LCN2: variants seen among roughly 807,000 people sequenced by gnomAD.
The protein encoded by LCN2 is neutrophil gelatinase-associated lipocalin.
LCN2 carries 27 observed loss-of-function variants against 26.4 expected under a neutral mutation model. That is an observed-to-expected ratio of 1.02 (90% CI 0.76 to 1.41). The LOEUF (loss-of-function observed/expected upper bound fraction) is 1.41, where lower values mean the gene tolerates loss of function less well. LCN2 is among the 40% of genes most tolerant of loss of function. The pLI is 0.00. For synonymous variants in LCN2, 94 were observed against 98.9 expected (o/e 0.95, Z 0.30); for missense variants, 224 against 237.6 (o/e 0.94, Z 0.38).
At chr9:128,150,761 C>T (rs547950251) in intron 2 of LCN2, among the ~76,000 whole-genome samples, 20 of 152,092 alleles carry the variant, frequency 1.3e-4, no homozygotes, top group Admixed American at 4.6e-4. Flanking sequence ...CAGAGAGAGC[C>T]CCCCCTTCAG....
In LCN2 at chr9:128,149,536, G is replaced by C; in HGVS notation, c.11G>C (p.Gly4Ala). The change falls in exon 1 of 7, where the codon GGT becomes GCT. Residue 4 changes from glycine (G) to alanine (A), a missense_variant. Gly to Ala is a moderately conservative substitution (Grantham distance 60). Transcript: ENST00000277480. The part of the protein sequence containing the change: MPL[G>A]LLWLGLALLG... ...CTCGGCCCTGAAATCATGCCCCTAG[G>C]TCTCCTGTGGCTGGGCCTAGCCCTG... 1.9e-6 allele frequency: 3 copies of C among 1,612,156 alleles called. No individual in the cohort carries two copies. Among genetic ancestry groups the C allele is most frequent in the Non-Finnish European group, 2.5e-6 (3 of 1,178,976 alleles).
At chr9:128,152,748 G>A (rs1382503205) in intron 5 of LCN2, among the ~76,000 whole-genome samples, 3 of 152,152 alleles carry the variant, frequency 2.0e-5, no homozygotes, top group Non-Finnish European at 4.4e-5. Context: ...AGCCTGGCTT[G>A]GGCAGGAGGC....
Position 128,149,493 on chromosome 9 carries a change from C to T in LCN2, c.-33C>T, listed in dbSNP as rs762477222. Reference sequence around the variant, plus strand: ...TTCCACCCCTGCCAGGCCCAGCAGCCACCACAGCGCCTGCTTCCTCGGCCC... The same window carrying T: ...TTCCACCCCTGCCAGGCCCAGCAGCTACCACAGCGCCTGCTTCCTCGGCCC... On this transcript the variant is annotated 5_prime_UTR_variant, in exon 1 of 7. Transcript: ENST00000277480. The T allele has an allele frequency of 4.5e-6, 7 of 1,558,192 alleles. No homozygotes were observed. In the South Asian group the frequency reaches 8.2e-5, roughly 18 times the overall value.
Position 128,152,990 on chromosome 9 carries a change from G to C in LCN2, c.578-110G>C, listed in dbSNP as rs184639171. 6.6e-5 allele frequency: 100 copies of C among 1,509,174 alleles called. 3 individuals carry two copies. The African/African-American group carries it at 1.0e-3, about 16-fold the overall frequency. The allele number at this position is 1,509,174 out of a possible 1,614,324, so 93.5% of individuals were successfully genotyped here. On this transcript the variant is annotated intron_variant, in intron 5 of 6. Coordinates refer to ENST00000277480, the MANE Select transcript of LCN2 (RefSeq NM_005564.5). ...CTGCAGCTGGGCCAGGTGGGGCAGG[G>C]GCTGCCCAGGGGCAGTGCAGAGGAC...
Position 128,153,198 on chromosome 9 carries a change from T to G in LCN2, c.*7+72T>G, listed in dbSNP as rs1347652948. ...TGCAGTGGGCTGGGGGTCTTGGGCC[T>G]GCCTTTGCTCATCCCCCTGCCCCCC... On this transcript the variant is annotated intron_variant, in intron 6 of 6. Coordinates refer to ENST00000277480, the MANE Select transcript of LCN2 (RefSeq NM_005564.5). The surrounding 1 kb of genome is among the most constrained non-coding windows in gnomAD (Gnocchi z 5.4). 2 of 1,572,890 alleles carry G rather than the reference T, an allele frequency of 1.3e-6. No homozygotes were observed. Among genetic ancestry groups the G allele is most frequent in the Admixed American group, 3.3e-5 (2 of 59,868 alleles).
Position 128,153,229 on chromosome 9 carries a change from T to C in LCN2, c.*8-82T>C. ...TGCTCATCCCCCTGCCCCCCAGCAC[T>C]GCTGCTGTCTTTATTCTGCTGTCCC... On this transcript the variant is annotated intron_variant, in intron 6 of 6. Coordinates refer to ENST00000277480, the MANE Select transcript of LCN2 (RefSeq NM_005564.5). The surrounding 1 kb of genome is among the most constrained non-coding windows in gnomAD (Gnocchi z 5.4). The C allele has an allele frequency of 7.4e-7, 1 of 1,359,700 alleles. No homozygotes were observed. Among genetic ancestry groups the C allele is most frequent in the Non-Finnish European group, 1.0e-6 (1 of 954,586 alleles). The allele number at this position is 1,359,700 out of a possible 1,614,324, so 84.2% of individuals were successfully genotyped here.
rs1158614124 is a variant in LCN2, at chr9:128,153,416, G to T, written c.*113G>T. On this transcript the variant is annotated 3_prime_UTR_variant, in exon 7 of 7. Coordinates refer to ENST00000277480, the MANE Select transcript of LCN2 (RefSeq NM_005564.5). The surrounding 1 kb of genome is among the most constrained non-coding windows in gnomAD (Gnocchi z 5.4). The stretch of plus-strand genomic sequence containing the variant: ...CTCCCCAGGCCACCCCGCTGATGGA[G>T]CCCCACCTTGTCTGCTAAATAAACA... 5.6e-6 allele frequency: 3 copies of T among 538,970 alleles called. No homozygotes were observed. The highest frequency in any genetic ancestry group is 1.9e-5 in the African/African-American group (1 of 52,436). 33.4% of individuals were successfully genotyped at this position (538,970 alleles called of 1,614,324 possible).
intron 1 of LCN2, 89 bp downstream of exon 1, chr9:128,149,752 T>G: frequency 6.6e-7 from 1 of 1,525,938 alleles, no homozygotes; most frequent in Non-Finnish European, 8.9e-7. Flanking sequence ...AGGAAGAGCG[T>G]TGGGCAGGAC....
chr9:128,151,402 C>T, intron 2 of LCN2: 2 of 605,514 alleles, frequency 3.3e-6, no homozygotes, highest in Non-Finnish European at 6.1e-6. Flanking sequence ...TGAGTGGGGT[C>T]CAGGGGCCCC....
chr9:128,149,775 GGGT>G, intron 1 of LCN2, 112 bp downstream of exon 1: 1 of 1,357,406 alleles, frequency 7.4e-7, no homozygotes, highest in South Asian at 1.3e-5. Flanking sequence ...TAGGAGTCCA[GGGT>G]CCAGGTTTCA....
chr9:128,150,620 G>C, intron 2 of LCN2: 4 of 649,866 alleles, frequency 6.2e-6, no homozygotes, highest in Non-Finnish European at 1.1e-5. Flanking sequence ...CCTGGGAGCG[G>C]GAGGAGGGGA....
chr9:128,149,806 A>T, intron 1 of LCN2, 143 bp downstream of exon 1: 1 of 983,582 alleles, frequency 1.0e-6, no homozygotes, highest in Non-Finnish European at 1.5e-6. Flanking sequence ...CTGTGCCACC[A>T]GGGTCCCCTG....
At chr9:128,151,763 C>T (rs762016178) in intron 3 of LCN2, 46 bp downstream of exon 3, 2 of 1,597,602 alleles carry the variant, frequency 1.3e-6, no homozygotes, top group South Asian at 1.1e-5. Context: ...CTCCGGGGAG[C>T]TGGGTAGGGG....
At chr9:128,151,378 G>A (rs2130877605) in intron 2 of LCN2, 2 of 580,312 alleles carry the variant, frequency 3.4e-6, no homozygotes, top group Non-Finnish European at 6.4e-6. Flanking sequence ...AAGGACATCG[G>A]GTGCTGGAGG....
rs1350316773 is a variant in LCN2, at chr9:128,153,319, C to T, written c.*16C>T. On this transcript the variant is annotated 3_prime_UTR_variant, in exon 7 of 7. Transcript: ENST00000277480. This position sits in a 1 kb window ranked among gnomAD's most constrained non-coding sequence, Gnocchi z 5.4. ...TATCCACCTCTGTCCAGGGTGCCGC[C>T]AGCTGCCGCACCAGCCCGAACACCA... is the stretch of plus-strand genomic sequence containing the variant. 4 of 663,184 alleles carry T rather than the reference C, an allele frequency of 6.0e-6. No individual in the cohort carries two copies. Among genetic ancestry groups the T allele is most frequent in the Non-Finnish European group, 8.0e-6 (3 of 376,844 alleles). 41.1% of individuals were successfully genotyped at this position (663,184 alleles called of 1,614,324 possible).
At chr9:128,150,203 A>G (rs1409985414) in intron 1 of LCN2, 35 bp from the exon 2 acceptor site, 2 of 1,597,958 alleles carry the variant, frequency 1.3e-6, no homozygotes. Context: ...TCCTAGGGCC[A>G]TTCCTGGGTT....
chr9:128,150,243 G>C lies in LCN2; in HGVS notation c.144G>C (p.Gln48His). 1 of 1,613,656 alleles carries C rather than the reference G, an allele frequency of 6.2e-7. No individual in the cohort carries two copies. The highest frequency in any genetic ancestry group is 8.5e-7 in the Non-Finnish European group (1 of 1,179,728). Residue 48 changes from glutamine to histidine, a missense_variant, in exon 2 of 7, where the codon CAG becomes CAC. By Grantham distance (24) the Gln-to-His change is conservative (BLOSUM62 0). Transcript: ENST00000277480. Reference protein sequence around the residue: ...LQQNFQDNQFQGKWYVVGLAG... With the variant: ...LQQNFQDNQFHGKWYVVGLAG... Reference sequence around the variant, plus strand: ...CTCTTATCAGTCCCTTGCAGTTCCAGGGGAAGTGGTATGTGGTAGGCCTGG... The same window carrying C: ...CTCTTATCAGTCCCTTGCAGTTCCACGGGAAGTGGTATGTGGTAGGCCTGG...
intron 2 of LCN2, 148 bp downstream of exon 2, chr9:128,150,522 T>A (rs753085673): frequency 1.0e-6 from 1 of 968,462 alleles, no homozygotes; most frequent in Non-Finnish European, 1.7e-6. Context: ...AGAGCAACGT[T>A]TATAGCACAT....
At position 128,153,055 on chromosome 9, in the gene LCN2, C is replaced by A; in HGVS notation, c.578-45C>A. On this transcript the variant is annotated intron_variant, in intron 5 of 6. Coordinates refer to ENST00000277480, the MANE Select transcript of LCN2 (RefSeq NM_005564.5). The surrounding 1 kb of genome is among the most constrained non-coding windows in gnomAD (Gnocchi z 5.4). ...TCACACACACACACTCATACACGCACACACACACACAGCTGCCTGTTCTGA... is the reference window on the plus strand; with the variant it reads ...TCACACACACACACTCATACACGCAAACACACACACAGCTGCCTGTTCTGA... 1 of 1,612,640 alleles carries A rather than the reference C, an allele frequency of 6.2e-7. No individual in the cohort carries two copies. The highest frequency in any genetic ancestry group is 8.5e-7 in the Non-Finnish European group (1 of 1,178,934).
Sources: allele counts gnomAD v4.1 joint callset (sites outside exome capture counted in the v4.1 genomes callset), GRCh38; gene constraint gnomAD v4.1.1; non-coding constraint Gnocchi (gnomAD v3.1); transcripts MANE v1.5; gene names NCBI Gene and HGNC (gene_info 2026-07-23, HGNC 2026-07-21).